The following KLHDC4 variants were observed in gnomAD, a reference collection of about 807,000 sequenced individuals.
KLHDC4 encodes the protein kelch domain containing 4.
Under a neutral mutation model 62.4 loss-of-function variants are expected in KLHDC4, and 90 were observed. The observed-to-expected ratio is 1.44, with a 90% CI of 1.22 to 1.72. The LOEUF (loss-of-function observed/expected upper bound fraction) is 1.72, where lower values mean the gene tolerates loss of function less well. Among genes scored for constraint, KLHDC4 ranks in the 40% most tolerant of loss-of-function variants. KLHDC4 has a pLI of 0.00. For missense variants in KLHDC4, 1,025 were observed against 699.7 expected (o/e 1.47, Z -5.25); for synonymous variants, 386 against 284.4 (o/e 1.36, Z -3.59).
At chr16:87,717,582 G>C (rs1227853157) in intron 7 of KLHDC4, among the ~76,000 whole-genome samples, 4 of 152,176 alleles carry the variant, frequency 2.6e-5, no homozygotes, top group Non-Finnish European at 4.4e-5. Context: ...TGCAATTCCA[G>C]TGATGCAGTT....
chr16:87,743,126 T>A (rs924512955), intron 5 of KLHDC4: 1 of 152,182 alleles, frequency 6.6e-6, no homozygotes, highest in Non-Finnish European at 1.5e-5. Flanking sequence ...TTTCGTTAAG[T>A]CACAGGGCCT....
intron 5 of KLHDC4, among the ~76,000 whole-genome samples, chr16:87,731,369 G>A (rs1008765370): frequency 2.0e-5 from 3 of 151,778 alleles, no homozygotes; most frequent in African/African-American, 7.3e-5. Flanking sequence ...ACTGTGCCCG[G>A]CCCAGAATTC....
At chr16:87,741,610 C>T (rs1230659187) in intron 5 of KLHDC4, among the ~76,000 whole-genome samples, 2 of 149,346 alleles carry the variant, frequency 1.3e-5, no homozygotes, top group African/African-American at 2.5e-5. Flanking sequence ...TCCCTGGTGC[C>T]GAAAAGGGTG....
chr16:87,737,309 C>G lies in KLHDC4; in HGVS notation c.507-6665G>C, dbSNP rs2041498669. On this transcript the variant is annotated intron_variant, in intron 5 of 11. Coordinates refer to ENST00000270583, the MANE Select transcript of KLHDC4 (RefSeq NM_017566.4). ...GGCTCAAAAACCACTTACCCTAGGC[C>G]AGGGGCGGTGGCTCACGCCTGTAAT... Among the ~76,000 whole-genome samples the G allele has an allele frequency of 5.3e-5, 8 of 152,004 alleles. No individual in the cohort carries two copies. The South Asian group carries it at 1.7e-3, about 32-fold the overall frequency.
At chr16:87,702,662 G>A, upstream of KLHDC4, 1 of 216,580 alleles carries the variant, frequency 4.6e-6, no homozygotes, top group South Asian at 7.5e-5. Flanking sequence ...GGGCCTCTCT[G>A]CTCAGGGGAG....
At chr16:87,737,407 G>C (rs1284954413) in intron 5 of KLHDC4, among the ~76,000 whole-genome samples, 2 of 151,894 alleles carry the variant, frequency 1.3e-5, no homozygotes, top group African/African-American at 4.8e-5. Context: ...GGCCAACATG[G>C]TGAAACCCCG....
At chr16:87,750,757 T>C (rs549446697) in intron 4 of KLHDC4, 1 of 152,264 alleles carries the variant, frequency 6.6e-6, no homozygotes, top group African/African-American at 2.4e-5. Context: ...ATGCGGTTCC[T>C]TCCTGGGCCA....
intron 5 of KLHDC4, among the ~76,000 whole-genome samples, chr16:87,743,644 G>A (rs7205253): frequency 0.063 from 9,574 of 151,862 alleles, 1,000 homozygotes; most frequent in African/African-American, 0.22. Flanking sequence ...GGAGGCTGAG[G>A]CAAGATAATG....
At chr16:87,749,926 G>A (rs190477095) in intron 4 of KLHDC4, among the ~76,000 whole-genome samples, 125 of 152,336 alleles carry the variant, frequency 8.2e-4, no homozygotes, top group Non-Finnish European at 1.4e-3. Flanking sequence ...CACAGTAAAG[G>A]TGAAGGAGCG....
At chr16:87,764,301 G>A (rs984425445) in intron 1 of KLHDC4, among the ~76,000 whole-genome samples, 1 of 152,120 alleles carries the variant, frequency 6.6e-6, no homozygotes, top group South Asian at 2.1e-4. Flanking sequence ...GGAAGCTACT[G>A]TTACAATCAC....
chr16:87,713,054 C>T (rs2036207891), intron 8 of KLHDC4, among the ~76,000 whole-genome samples: 1 of 152,346 alleles, frequency 6.6e-6, no homozygotes, highest in Admixed American at 6.5e-5. Flanking sequence ...TTTTTTGAGA[C>T]AGAGTCTCAC....
rs373712972 is a variant in KLHDC4 at position 87,730,678 on chromosome 16, C to T, written c.507-34G>A. On this transcript the variant is annotated intron_variant, in intron 5 of 11. Coordinates refer to ENST00000270583, the MANE Select transcript of KLHDC4 (RefSeq NM_017566.4). ...AAATAAACAAAAAGACACTATCAACCTGCTTAATTTCTGGTTGTTCTAAAG... is the reference window on the plus strand; with the variant it reads ...AAATAAACAAAAAGACACTATCAACTTGCTTAATTTCTGGTTGTTCTAAAG... 25 of 1,563,450 alleles carry T rather than the reference C, an allele frequency of 1.6e-5. No homozygotes were observed. The African/African-American group carries it at 2.9e-4, about 18-fold the overall frequency.
chr16:87,725,105 T>G (rs537130741), intron 7 of KLHDC4, among the ~76,000 whole-genome samples: 2 of 152,256 alleles, frequency 1.3e-5, no homozygotes, highest in South Asian at 4.2e-4. Context: ...GTGACTTGTT[T>G]AGCAGAAGCT....
chr16:87,754,217 G>T (rs1033822791), intron 4 of KLHDC4, among the ~76,000 whole-genome samples: 1 of 152,042 alleles, frequency 6.6e-6, no homozygotes, highest in African/African-American at 2.4e-5. Context: ...GTGGTGAGGG[G>T]TGCCTGTAAT....
chr16:87,725,479 T>C (rs1336933141), intron 7 of KLHDC4, among the ~76,000 whole-genome samples: 2 of 152,142 alleles, frequency 1.3e-5, no homozygotes, highest in Non-Finnish European at 2.9e-5. Context: ...CATAGCAAAA[T>C]CTTAATAGCA....
chr16:87,743,201 G>A (rs1417148578), intron 5 of KLHDC4, among the ~76,000 whole-genome samples: 1 of 152,184 alleles, frequency 6.6e-6, no homozygotes, highest in African/African-American at 2.4e-5. Flanking sequence ...GAACTCCTGA[G>A]CTCAAGTGAT....
chr16:87,729,847 T>G (rs2040024170), intron 6 of KLHDC4, among the ~76,000 whole-genome samples: 1 of 152,220 alleles, frequency 6.6e-6, no homozygotes, highest in Admixed American at 6.5e-5. Flanking sequence ...AAATGCAGAT[T>G]CCTGGGCCTC....
chr16:87,706,698 G>C (rs1013417024), downstream of KLHDC4, among the ~76,000 whole-genome samples: 1 of 152,240 alleles, frequency 6.6e-6, no homozygotes, highest in African/African-American at 2.4e-5. Flanking sequence ...CACCCACCGA[G>C]GCCTCCTGAA....
At position 87,758,555 on chromosome 16, in the gene KLHDC4, A is replaced by G. The variant is rs986284984; in HGVS notation, c.192-2078T>C. On this transcript the variant is annotated intron_variant, in intron 2 of 11. Coordinates refer to ENST00000270583, the MANE Select transcript of KLHDC4 (RefSeq NM_017566.4). Reference sequence around the variant, plus strand: ...ACCAGGGGGCTGGGGGAGGGGAAACAGGGAGCAACCATTGAAGGGTCTAGA... The same window carrying G: ...ACCAGGGGGCTGGGGGAGGGGAAACGGGGAGCAACCATTGAAGGGTCTAGA... 3.3e-5 allele frequency among the ~76,000 whole-genome samples: 5 copies of G among 152,210 alleles called. 1 individual carries two copies. The highest frequency in any genetic ancestry group is 2.6e-4 in the Admixed American group (4 of 15,282).
Sources: gnomAD v4.1 joint callset for allele counts (sites outside exome capture counted in the v4.1 genomes callset) on GRCh38, gnomAD v4.1.1 for gene constraint, MANE v1.5 for transcripts, NCBI Gene and HGNC (gene_info 2026-07-23, HGNC 2026-07-21) for gene names.